Variants in POLR3B observed in about 807,000 individuals in gnomAD.
The protein encoded by POLR3B is DNA-directed RNA polymerase III subunit RPC2.
A neutral mutation model predicts 147.4 loss-of-function variants in POLR3B; 96 were observed. The ratio of observed to expected loss-of-function variants is 0.65; its 90% confidence interval spans 0.55 to 0.77. POLR3B has a LOEUF of 0.77. Among genes scored for constraint, POLR3B ranks in the 30% least tolerant of loss-of-function variants. The probability of loss-of-function intolerance (pLI) is 0.00; values close to 1 mark genes in which losing one functional copy is unlikely to be tolerated. For missense variants in POLR3B, 1,036 were observed against 1,413.5 expected (o/e 0.73, Z 4.28); for synonymous variants, 461 against 485.9 (o/e 0.95, Z 0.67).
At chr12:106,451,640 G>A (rs184199535) in intron 19 of POLR3B, among the ~76,000 whole-genome samples, 1,709 of 132,962 alleles carry the variant, frequency 0.013, 36 homozygotes, top group Non-Finnish European at 0.021. Context: ...AGGCGGGGGG[G>A]GAGGAGAGGG....
chr12:106,399,962 A>AG (rs1445917593), intron 10 of POLR3B, among the ~76,000 whole-genome samples: 1 of 152,230 alleles, frequency 6.6e-6, no homozygotes, highest in Non-Finnish European at 1.5e-5. Flanking sequence ...TCATAATGAC[A>AG]GATCAAATTC....
chr12:106,450,483 A>G (rs752937024), intron 19 of POLR3B, among the ~76,000 whole-genome samples: 1 of 152,230 alleles, frequency 6.6e-6, no homozygotes, highest in Non-Finnish European at 1.5e-5. Context: ...GTATTCAAGT[A>G]TATATAAAGA....
chr12:106,372,431 A>G (rs1343794274), intron 6 of POLR3B, among the ~76,000 whole-genome samples: 1 of 145,494 alleles, frequency 6.9e-6, no homozygotes, highest in Non-Finnish European at 1.5e-5. Flanking sequence ...TCCGCCCCCC[A>G]GGTTCAAGTG....
At chr12:106,449,746 A>G (rs1399385084) in intron 19 of POLR3B, among the ~76,000 whole-genome samples, 1 of 152,132 alleles carries the variant, frequency 6.6e-6, no homozygotes, top group Non-Finnish European at 1.5e-5. Context: ...CAGGGGTAGT[A>G]AAGGCAAAAG....
intron 23 of POLR3B, among the ~76,000 whole-genome samples, chr12:106,471,715 A>G (rs2038094836): frequency 6.6e-6 from 1 of 152,148 alleles, no homozygotes; most frequent in African/African-American, 2.4e-5. Context: ...TAATAGGTGA[A>G]TTCACAATGT....
rs75423808 is a variant in POLR3B, at chr12:106,460,429, A to G, written c.2570+1061A>G. Among the ~76,000 whole-genome samples, 94 of 152,326 alleles carry G rather than the reference A, an allele frequency of 6.2e-4. 2 individuals are homozygous for G. In the East Asian group the frequency reaches 0.017, roughly 28 times the overall value. On this transcript the variant is annotated intron_variant, in intron 22 of 27. Coordinates refer to ENST00000228347, the MANE Select transcript of POLR3B (RefSeq NM_018082.6). ...GTTAAGTAACTTACCAAGGTCACAC[A>G]GCAATAAAGGGCAGCACCAGGATTT... is the stretch of plus-strand genomic sequence containing the variant.
chr12:106,416,177 A>G (rs2037299779), intron 12 of POLR3B, among the ~76,000 whole-genome samples: 1 of 152,170 alleles, frequency 6.6e-6, no homozygotes, highest in South Asian at 2.1e-4. Flanking sequence ...CGAGAATGTT[A>G]TTTGACCATT....
chr12:106,362,144 A>T (rs2036479529), intron 1 of POLR3B, among the ~76,000 whole-genome samples: 1 of 152,066 alleles, frequency 6.6e-6, no homozygotes, highest in South Asian at 2.1e-4. Flanking sequence ...GGATTTGAAT[A>T]CTCGTTTTAA....
intron 12 of POLR3B, among the ~76,000 whole-genome samples, chr12:106,414,097 CTAATA>C (rs1254477488): frequency 7.3e-6 from 1 of 136,322 alleles, no homozygotes; most frequent in Non-Finnish European, 1.6e-5. Context: ...CATCTAGAAT[CTAATA>C]TGCCATTAAT....
rs146622845 is a variant in POLR3B at position 106,463,980 on chromosome 12, C to G, written c.2713+360C>G. On this transcript the variant is annotated intron_variant, in intron 23 of 27. Transcript: ENST00000228347. Reference sequence around the variant, plus strand: ...ATACATCTTTAAACTACTATATGTTCTGTTGAGTCATAGTGTCAGATGTTA... The same window carrying G: ...ATACATCTTTAAACTACTATATGTTGTGTTGAGTCATAGTGTCAGATGTTA... Among the ~76,000 whole-genome samples the G allele has an allele frequency of 2.3e-4, 34 of 150,532 alleles. No homozygotes were observed. The East Asian group carries it at 6.5e-3, about 29-fold the overall frequency.
intron 23 of POLR3B, among the ~76,000 whole-genome samples, chr12:106,495,577 G>T (rs1291925152): frequency 6.6e-6 from 1 of 152,194 alleles, no homozygotes; most frequent in East Asian, 1.9e-4. Flanking sequence ...CTTGTCACTG[G>T]TTTTTCAAAC....
At position 106,459,175 on chromosome 12, in the gene POLR3B, A is replaced by C. The variant is rs1050058067; in HGVS notation, c.2453-76A>C. 3.5e-6 allele frequency: 3 copies of C among 859,066 alleles called. No individual in the cohort carries two copies. The African/African-American group carries it at 5.0e-5, about 14-fold the overall frequency. The allele number at this position is 859,066 out of a possible 1,614,324, so 53.2% of individuals were successfully genotyped here. A position where few individuals can be genotyped will look rare whatever the true frequency, so the allele number is the denominator to read the frequency against. On this transcript the variant is annotated intron_variant, in intron 21 of 27. Transcript: ENST00000228347. ...AGTTGTTGGGACTGCAGGCCTGTGCATCTTTGCCTAGTTCGTAATCTTTGT... is the reference window on the plus strand; with the variant it reads ...AGTTGTTGGGACTGCAGGCCTGTGCCTCTTTGCCTAGTTCGTAATCTTTGT...
At chr12:106,468,026 G>A (rs1350521397) in intron 23 of POLR3B, among the ~76,000 whole-genome samples, 35 of 152,180 alleles carry the variant, frequency 2.3e-4, no homozygotes, top group Non-Finnish European at 4.4e-4. Context: ...CAGAAGGAAT[G>A]GTATCAGCTC....
intron 13 of POLR3B, among the ~76,000 whole-genome samples, chr12:106,429,125 T>C (rs1396922650): frequency 6.6e-6 from 1 of 152,204 alleles, no homozygotes; most frequent in Non-Finnish European, 1.5e-5. Flanking sequence ...AGTTTTTCTC[T>C]TTAGAATTGT....
At chr12:106,441,384 A>T (rs773503765) in intron 18 of POLR3B, among the ~76,000 whole-genome samples, 1 of 152,236 alleles carries the variant, frequency 6.6e-6, no homozygotes, top group Admixed American at 6.5e-5. Context: ...TACTACACAC[A>T]TAGACTGTAT....
intron 26 of POLR3B, among the ~76,000 whole-genome samples, chr12:106,502,115 G>A (rs1310449003): frequency 6.6e-6 from 1 of 152,142 alleles, no homozygotes; most frequent in African/African-American, 2.4e-5. Context: ...TGCCTCCCAG[G>A]GGACATTTAA....
chr12:106,417,400 A>G (rs1028157246), intron 12 of POLR3B, among the ~76,000 whole-genome samples: 1 of 152,188 alleles, frequency 6.6e-6, no homozygotes, highest in Non-Finnish European at 1.5e-5. Context: ...CCTGTGTGCC[A>G]TGGGAAGAGA....
intron 18 of POLR3B, among the ~76,000 whole-genome samples, chr12:106,439,880 G>C (rs1437172857): frequency 6.6e-6 from 1 of 151,882 alleles, no homozygotes; most frequent in Non-Finnish European, 1.5e-5. Context: ...AACACAGTGA[G>C]ACCTCATCTC....
At chr12:106,419,484 A>G (rs11112983) in intron 12 of POLR3B, among the ~76,000 whole-genome samples, 36,351 of 152,106 alleles carry the variant, frequency 0.24, 5,939 homozygotes, top group East Asian at 0.71. Flanking sequence ...CCTATCAGAA[A>G]CATTCAGGAA....
Sources: allele counts gnomAD v4.1 joint callset (sites outside exome capture counted in the v4.1 genomes callset), GRCh38; gene constraint gnomAD v4.1.1; transcripts MANE v1.5; gene names NCBI Gene and HGNC (gene_info 2026-07-23, HGNC 2026-07-21).